CWH43: variants seen among roughly 807,000 people sequenced by gnomAD.
CWH43 encodes cell wall biogenesis 43 C-terminal homolog, also known as PGAP2-interacting protein.
Under a neutral mutation model 85.7 loss-of-function variants are expected in CWH43, and 91 were observed. The ratio of observed to expected loss-of-function variants is 1.06; its 90% CI spans 0.90 to 1.26. The LOEUF is 1.26. Among genes scored for constraint, CWH43 ranks in the 50% most tolerant of loss-of-function variants. The pLI is 0.00. For synonymous variants in CWH43, 323 were observed against 293.6 expected (o/e 1.10, Z -1.02); for missense variants, 869 against 839.2 (o/e 1.04, Z -0.44).
Position 49,039,306 on chromosome 4 carries a change from GATATAT to G in CWH43, c.1803+1148_1803+1153del, listed in dbSNP as rs71600797. Reference sequence around the variant, plus strand: ...ACACAAATCAAATTCTCAGGAGACTGATATATATATATATATATATATATATACTGA... The same window carrying G: ...ACACAAATCAAATTCTCAGGAGACTGATATATATATATATATATATACTGA... On this transcript the variant is annotated intron_variant, in intron 13 of 15. Transcript: ENST00000226432. Among the ~76,000 whole-genome samples, 14 of 4,602 alleles carry G rather than the reference GATATAT, an allele frequency of 3.0e-3. 4 individuals are homozygous for G. The highest frequency in any genetic ancestry group is 0.014 in the Admixed American group (2 of 140). 3.0% of individuals were successfully genotyped at this position (4,602 alleles called of 152,430 possible). A position where few individuals can be genotyped will look rare whatever the true frequency, so the allele number is the denominator to read the frequency against.
rs548265057 is a variant in CWH43 at position 49,026,894 on chromosome 4, G to T, written c.1267-1735G>T. On this transcript the variant is annotated intron_variant, in intron 9 of 15. Transcript: ENST00000226432. ...AACATAATGCCTTCTTTCCTTTTGGGTAGATCCCCAGTAGTGGGATTGCTG... is the reference window on the plus strand; with the variant it reads ...AACATAATGCCTTCTTTCCTTTTGGTTAGATCCCCAGTAGTGGGATTGCTG... Among the ~76,000 whole-genome samples the T allele has an allele frequency of 5.3e-5, 8 of 152,270 alleles. 1 individual carries two copies. In the East Asian group the frequency reaches 1.2e-3, roughly 22 times the overall value.
intron 9 of CWH43, among the ~76,000 whole-genome samples, chr4:49,020,416 C>CACACACACACACACACATAT (rs140534523): frequency 0.079 from 10,137 of 127,716 alleles, 699 homozygotes; most frequent in Non-Finnish European, 0.11. Context: ...CACACACACA[C>CACACACACACACACACATAT]ATATATATAT....
intron 2 of CWH43, among the ~76,000 whole-genome samples, chr4:48,989,857 A>C (rs1311277023): frequency 1.3e-5 from 2 of 152,250 alleles, no homozygotes; most frequent in Non-Finnish European, 2.9e-5. Context: ...TTTCAGCTCC[A>C]GAAATAACAA....
chr4:49,059,917 G>T (rs1481058455), intron 15 of CWH43, among the ~76,000 whole-genome samples: 1 of 152,168 alleles, frequency 6.6e-6, no homozygotes, highest in African/African-American at 2.4e-5. Context: ...CTGGTGCCTG[G>T]ATCCATTGGG....
At position 49,061,803 on chromosome 4, in the gene CWH43, T is replaced by G. The variant is rs1298993394; in HGVS notation, c.2022-9T>G. ...CCAATAACTTTTTATTTATTTTTTA[T>G]TTTTTTAGATTTGGATCCTACAAAG... On this transcript the variant is annotated splice_polypyrimidine_tract_variant and intron_variant, in intron 15 of 15. Transcript: ENST00000226432. 5 of 1,365,792 alleles carry G rather than the reference T, an allele frequency of 3.7e-6. No homozygotes were observed. The highest frequency in any genetic ancestry group is 4.8e-6 in the Non-Finnish European group (5 of 1,030,998). 84.6% of individuals were successfully genotyped at this position (1,365,792 alleles called of 1,614,324 possible). A position where few individuals can be genotyped will look rare whatever the true frequency, so the allele number is the denominator to read the frequency against.
At chr4:49,055,552 T>C (rs1577716578) in intron 15 of CWH43, among the ~76,000 whole-genome samples, 1 of 151,960 alleles carries the variant, frequency 6.6e-6, no homozygotes, top group African/African-American at 2.4e-5. Context: ...TCTTCAATTA[T>C]GAAAGAGTTT....
chr4:49,007,546 T>C (rs1783199697), intron 8 of CWH43, among the ~76,000 whole-genome samples: 1 of 152,216 alleles, frequency 6.6e-6, no homozygotes, highest in African/African-American at 2.4e-5. Context: ...TACATAGGTA[T>C]ACATGTGCCA....
chr4:49,006,678 C>T (rs2109765714), intron 7 of CWH43, among the ~76,000 whole-genome samples: 1 of 152,236 alleles, frequency 6.6e-6, no homozygotes, highest in East Asian at 1.9e-4. Context: ...AATTTAGCTC[C>T]ACTTTATTGG....
chr4:49,042,715 G>A (rs768411852), intron 13 of CWH43, among the ~76,000 whole-genome samples: 8 of 152,158 alleles, frequency 5.3e-5, no homozygotes, highest in Non-Finnish European at 1.2e-4. Flanking sequence ...CATTGAATGT[G>A]GCTATCATGG....
At chr4:49,022,331 GTTT>G (rs1232293528) in intron 9 of CWH43, among the ~76,000 whole-genome samples, 1 of 152,090 alleles carries the variant, frequency 6.6e-6, no homozygotes, top group Admixed American at 6.6e-5. Flanking sequence ...TTTAAATTCT[GTTT>G]ATGTGGTGTA....
intron 2 of CWH43, among the ~76,000 whole-genome samples, chr4:48,990,511 A>G (rs1782627369): frequency 6.6e-6 from 1 of 152,194 alleles, no homozygotes; most frequent in African/African-American, 2.4e-5. Flanking sequence ...ATGCCATCTC[A>G]CTTCTGGCAC....
At chr4:49,031,192 G>T in intron 11 of CWH43, 1 of 410,658 alleles carries the variant, frequency 2.4e-6, no homozygotes, top group African/African-American at 2.1e-5. Context: ...TAGGAGCTGA[G>T]GTTGCAGCAC....
intron 15 of CWH43, among the ~76,000 whole-genome samples, chr4:49,055,899 ATT>A (rs999619562): frequency 2.3e-5 from 3 of 129,062 alleles, no homozygotes; most frequent in Non-Finnish European, 5.1e-5. Flanking sequence ...GGTCAATCTA[ATT>A]TTTCTTTTTT....
intron 9 of CWH43, among the ~76,000 whole-genome samples, chr4:49,026,137 G>A (rs1057257779): frequency 2.6e-4 from 40 of 152,256 alleles, no homozygotes; most frequent in African/African-American, 7.0e-4. Context: ...GGAGAAAGCC[G>A]GCAGCCACAG....
At chr4:49,002,571 A>C (rs1018088903) in intron 6 of CWH43, among the ~76,000 whole-genome samples, 16 of 152,114 alleles carry the variant, frequency 1.1e-4, no homozygotes, top group Admixed American at 9.8e-4. Flanking sequence ...GCTTCTTTTC[A>C]GTTCTGTATT....
At chr4:49,038,223 A>G (rs374160520) in intron 13 of CWH43, 43 bp downstream of exon 13, 24 of 1,450,550 alleles carry the variant, frequency 1.7e-5, no homozygotes, top group African/African-American at 1.6e-4. Flanking sequence ...TAAGTAAAAC[A>G]TTTCTTTTTC....
chr4:49,038,216 GT>G, intron 13 of CWH43, 36 bp downstream of exon 13: 1 of 1,460,994 alleles, frequency 6.8e-7, no homozygotes, highest in Non-Finnish European at 9.1e-7. Context: ...AATTTATTAA[GT>G]AAAACATTTC....
rs188772114 is a variant in CWH43 at position 49,025,999 on chromosome 4, A to T, written c.1267-2630A>T. Among the ~76,000 whole-genome samples, 799 of 151,352 alleles carry T rather than the reference A, an allele frequency of 5.3e-3. 3 individuals carry two copies. The highest frequency in any genetic ancestry group is 8.8e-3 in the Non-Finnish European group (599 of 67,752). On this transcript the variant is annotated intron_variant, in intron 9 of 15. Coordinates refer to ENST00000226432, the MANE Select transcript of CWH43 (RefSeq NM_025087.3). Reference sequence around the variant, plus strand: ...CAGGGTTAGGTGTGTCTGAGCTCAGACTCTCGTTGGGCTGGGCCGGCTGTA... The same window carrying T: ...CAGGGTTAGGTGTGTCTGAGCTCAGTCTCTCGTTGGGCTGGGCCGGCTGTA...
intron 12 of CWH43, among the ~76,000 whole-genome samples, chr4:49,034,378 C>T (rs560335436): frequency 5.3e-5 from 8 of 152,130 alleles, no homozygotes; most frequent in Admixed American, 2.6e-4. Flanking sequence ...CCTTTTTCCC[C>T]GTCTCCTTTA....
Sources: allele counts gnomAD v4.1 joint callset (sites outside exome capture counted in the v4.1 genomes callset), GRCh38; gene constraint gnomAD v4.1.1; transcripts MANE v1.5; gene names NCBI Gene and HGNC (gene_info 2026-07-23, HGNC 2026-07-21).